ZEB1: variants seen among roughly 807,000 people sequenced by gnomAD.
ZEB1 encodes zinc finger E-box-binding homeobox 1.
ZEB1 carries 21 observed loss-of-function variants against 84.9 expected under a neutral mutation model. The observed-to-expected ratio is 0.25, with a 90% CI of 0.18 to 0.36. The LOEUF is 0.36. Ranked by LOEUF, ZEB1 falls within the 10% of genes least tolerant of loss-of-function variation. The pLI is 1.00. For missense variants in ZEB1, 1,104 were observed against 1,330.2 expected (o/e 0.83, Z 2.65); for synonymous variants, 420 against 471.1 (o/e 0.89, Z 1.41).
At chr10:31,426,595 A>G (rs1008197455) in intron 1 of ZEB1, among the ~76,000 whole-genome samples, 3 of 152,196 alleles carry the variant, frequency 2.0e-5, no homozygotes, top group Non-Finnish European at 2.9e-5. Context: ...ACATCCTGTG[A>G]TCTGACTGTT....
intron 2 of ZEB1, among the ~76,000 whole-genome samples, chr10:31,472,845 A>G (rs1591638039): frequency 7.5e-6 from 1 of 133,852 alleles, no homozygotes; most frequent in Non-Finnish European, 1.5e-5. Context: ...CAGCACATCA[A>G]AAAGCTTATC....
chr10:31,454,837 C>A (rs919153025), intron 1 of ZEB1, among the ~76,000 whole-genome samples: 1 of 152,100 alleles, frequency 6.6e-6, no homozygotes, highest in Non-Finnish European at 1.5e-5. Context: ...GCCATACTGC[C>A]GAAAGTAATT....
rs186526807 is a variant in ZEB1 at position 31,321,743 on chromosome 10, A to G, written c.58+2451A>G. On this transcript the variant is annotated intron_variant, in intron 1 of 8. Transcript: ENST00000424869. ...CCTGTGATATGAATATTACACTCGT[A>G]AGGCATATCAACAGATGACTTAAGG... The G allele has an allele frequency of 1.3e-3, 840 of 655,546 alleles. 4 individuals carry two copies. The highest frequency in any genetic ancestry group is 4.1e-4 in the Non-Finnish European group (154 of 375,816). The allele number at this position is 655,546 out of a possible 1,614,324, so 40.6% of individuals were successfully genotyped here.
intron 1 of ZEB1, among the ~76,000 whole-genome samples, chr10:31,397,037 A>T (rs1459318631): frequency 2.7e-5 from 4 of 147,920 alleles, no homozygotes; most frequent in Admixed American, 1.3e-4. Flanking sequence ...TTTTGTAGAG[A>T]TGGAGTCTCG....
chr10:31,388,496 T>G (rs2049038094), intron 1 of ZEB1, among the ~76,000 whole-genome samples: 1 of 152,104 alleles, frequency 6.6e-6, no homozygotes, highest in Non-Finnish European at 1.5e-5. Context: ...AAAATACTTG[T>G]GTGTTTGCTG....
chr10:31,424,506 G>A (rs956314556), intron 1 of ZEB1, among the ~76,000 whole-genome samples: 1 of 151,926 alleles, frequency 6.6e-6, no homozygotes, highest in African/African-American at 2.4e-5. Flanking sequence ...GAATATTTGA[G>A]TAATACACAG....
intron 1 of ZEB1, chr10:31,361,121 A>G: frequency 1.2e-6 from 2 of 1,611,982 alleles, no homozygotes; most frequent in African/African-American, 1.3e-5. Flanking sequence ...ACAGTCAAGG[A>G]AAAAGAAGAA....
intron 1 of ZEB1, among the ~76,000 whole-genome samples, chr10:31,335,287 C>T (rs553582154): frequency 9.2e-5 from 14 of 152,094 alleles, no homozygotes; most frequent in South Asian, 4.2e-4. Flanking sequence ...CATTGGTAGC[C>T]GTCTTGGTCA....
Position 31,529,579 on chromosome 10 carries a change from C to T in ZEB1, c.*2315C>T, listed in dbSNP as rs1592161783. Reference sequence around the variant, plus strand: ...ACAGGAACCACATTTGTCATAGTCACTCTCACATTCCTCACTGCCTAACAG... The same window carrying T: ...ACAGGAACCACATTTGTCATAGTCATTCTCACATTCCTCACTGCCTAACAG... On this transcript the variant is annotated 3_prime_UTR_variant, in exon 9 of 9. Coordinates refer to ENST00000424869, the MANE Select transcript of ZEB1 (RefSeq NM_001174096.2). The T allele has an allele frequency of 6.6e-6, 1 of 152,202 alleles. No individual in the cohort carries two copies. The highest frequency in any genetic ancestry group is 2.4e-5 in the African/African-American group (1 of 41,438). 9.4% of individuals were successfully genotyped at this position (152,202 alleles called of 1,614,324 possible).
chr10:31,408,029 A>G (rs1170035233), intron 1 of ZEB1, among the ~76,000 whole-genome samples: 6 of 151,302 alleles, frequency 4.0e-5, no homozygotes, highest in Non-Finnish European at 8.9e-5. Flanking sequence ...TTAAGCTGAT[A>G]AGCAACTTCA....
intron 1 of ZEB1, among the ~76,000 whole-genome samples, chr10:31,418,504 G>A (rs2055601521): frequency 6.6e-6 from 1 of 151,988 alleles, no homozygotes; most frequent in Non-Finnish European, 1.5e-5. Flanking sequence ...GAATTCTTAA[G>A]AATTTTAAAA....
chr10:31,319,486 C>T, intron 1 of ZEB1, 194 bp downstream of exon 1: 2 of 616,332 alleles, frequency 3.2e-6, no homozygotes, highest in Non-Finnish European at 5.7e-6. Context: ...CGCGGCCGCT[C>T]GCTCTCCCTG....
chr10:31,376,212 G>A (rs1019051178), intron 1 of ZEB1, among the ~76,000 whole-genome samples: 1 of 151,662 alleles, frequency 6.6e-6, no homozygotes, highest in African/African-American at 2.4e-5. Flanking sequence ...TAGACATTAA[G>A]CAAGTAATTA....
intron 1 of ZEB1, among the ~76,000 whole-genome samples, chr10:31,407,684 A>G (rs976692563): frequency 1.3e-5 from 2 of 152,182 alleles, no homozygotes; most frequent in African/African-American, 4.8e-5. Flanking sequence ...CCTTTGACAA[A>G]ATTCAACAAC....
At chr10:31,375,876 AT>A (rs1224262598) in intron 1 of ZEB1, among the ~76,000 whole-genome samples, 2 of 151,780 alleles carry the variant, frequency 1.3e-5, no homozygotes, top group Admixed American at 6.6e-5. Context: ...GCCTTTCTAC[AT>A]CCATTCTTAA....
intron 1 of ZEB1, among the ~76,000 whole-genome samples, chr10:31,324,644 T>C (rs2035051626): frequency 6.6e-6 from 1 of 152,060 alleles, no homozygotes. Context: ...TGCAGTACAG[T>C]CACTAATTTA....
rs1269970392 is a variant in ZEB1, at chr10:31,363,467, C to T, written c.58+44175C>T. On this transcript the variant is annotated intron_variant, in intron 1 of 8. Transcript: ENST00000424869. ...TTGTACCAGGAAGAAGTGAGGTTTC[C>T]CTGAGTCTCCAGGGGCCTAGAGGTG... The T allele has an allele frequency of 5.9e-6, 9 of 1,533,196 alleles. No homozygotes were observed. The Admixed American group carries it at 9.8e-5, about 17-fold the overall frequency. The allele number at this position is 1,533,196 out of a possible 1,614,324, so 95.0% of individuals were successfully genotyped here.
intron 1 of ZEB1, among the ~76,000 whole-genome samples, chr10:31,412,932 G>A (rs1182001632): frequency 6.6e-6 from 1 of 152,160 alleles, no homozygotes; most frequent in East Asian, 1.9e-4. Context: ...AAAGCCAGCT[G>A]ACTTACCCTG....
chr10:31,451,413 A>G lies in ZEB1; in HGVS notation c.59-9624A>G, dbSNP rs377346872. Reference sequence around the variant, plus strand: ...GCTTTTGGACTGATATATCAATTACATGGCTTCTCTATTTTTTGACTAAGT... The same window carrying G: ...GCTTTTGGACTGATATATCAATTACGTGGCTTCTCTATTTTTTGACTAAGT... On this transcript the variant is annotated intron_variant, in intron 1 of 8. Coordinates refer to ENST00000424869, the MANE Select transcript of ZEB1 (RefSeq NM_001174096.2). Among the ~76,000 whole-genome samples, 7 of 152,138 alleles carry G rather than the reference A, an allele frequency of 4.6e-5. No homozygotes were observed. In the South Asian group the frequency reaches 1.5e-3, roughly 32 times the overall value.
Sources: gnomAD v4.1 joint callset for allele counts (sites outside exome capture counted in the v4.1 genomes callset) on GRCh38, gnomAD v4.1.1 for gene constraint, MANE v1.5 for transcripts, NCBI Gene and HGNC (gene_info 2026-07-23, HGNC 2026-07-21) for gene names.